TXNDC5: variants seen among roughly 807,000 people sequenced by gnomAD.
TXNDC5 encodes the protein thioredoxin domain containing 5.
A neutral mutation model predicts 52.6 loss-of-function variants in TXNDC5; 44 were observed. The observed-to-expected ratio is 0.84, with a 90% CI of 0.66 to 1.08. TXNDC5 has a LOEUF of 1.08. Among genes scored for constraint, TXNDC5 ranks in the 50% least tolerant of loss-of-function variants. The pLI, the probability that TXNDC5 is intolerant of heterozygous loss-of-function variation, is 0.00. For missense variants in TXNDC5, 600 were observed against 565.5 expected (o/e 1.06, Z -0.62); for synonymous variants, 241 against 234.4 (o/e 1.03, Z -0.26).
At chr6:7,903,948 G>A (rs1322644296) in intron 2 of TXNDC5, among the ~76,000 whole-genome samples, 1 of 152,216 alleles carries the variant, frequency 6.6e-6, no homozygotes, top group Non-Finnish European at 1.5e-5. Context: ...CAGAGATACA[G>A]GCCTGGAAAG....
intron 3 of TXNDC5, among the ~76,000 whole-genome samples, chr6:7,895,628 G>A (rs1366020294): frequency 6.6e-6 from 1 of 152,208 alleles, no homozygotes; most frequent in Non-Finnish European, 1.5e-5. Context: ...AGCACTTGCA[G>A]ACACCAGAGT....
chr6:7,902,637 C>A (rs571879788), intron 2 of TXNDC5, among the ~76,000 whole-genome samples: 1 of 152,054 alleles, frequency 6.6e-6, no homozygotes, highest in African/African-American at 2.4e-5. Flanking sequence ...CAGCACATTC[C>A]ACCTCCTGCA....
In TXNDC5 at chr6:7,882,062, A is replaced by ACAT. The variant is rs1228130067; in HGVS notation, c.*1079_*1081dup. The ACAT allele has an allele frequency of 9.8e-5, 15 of 152,716 alleles. No homozygotes were observed. The highest frequency in any genetic ancestry group is 1.9e-4 in the Non-Finnish European group (13 of 68,066). The allele number at this position is 152,716 out of a possible 1,614,324, so 9.5% of individuals were successfully genotyped here. On this transcript the variant is annotated 3_prime_UTR_variant, in exon 10 of 10. Transcript: ENST00000379757. ...ACACCAGGGCCAGAGCAGCCCACTGACATCTGTCTTTGGTCTTGAGATCAA... is the reference window on the plus strand; with the variant it reads ...ACACCAGGGCCAGAGCAGCCCACTGACATCATCTGTCTTTGGTCTTGAGATCAA...
At chr6:7,894,915 C>G in intron 4 of TXNDC5, 191 bp downstream of exon 4, 1 of 985,428 alleles carries the variant, frequency 1.0e-6, no homozygotes, top group Non-Finnish European at 1.2e-6. Flanking sequence ...TATAAGGGCA[C>G]AGACAAAAGG....
At chr6:7,905,085 G>A (rs1760690083) in intron 1 of TXNDC5, among the ~76,000 whole-genome samples, 1 of 152,182 alleles carries the variant, frequency 6.6e-6, no homozygotes, top group African/African-American at 2.4e-5. Context: ...TGTTCCCAAA[G>A]GACTATAGCT....
chr6:7,895,625 G>T (rs1305913359), intron 3 of TXNDC5, among the ~76,000 whole-genome samples: 1 of 152,212 alleles, frequency 6.6e-6, no homozygotes, highest in Non-Finnish European at 1.5e-5. Context: ...GTCAGCACTT[G>T]CAGACACCAG....
At chr6:7,893,850 G>T (rs929420359) in intron 4 of TXNDC5, among the ~76,000 whole-genome samples, 2 of 152,162 alleles carry the variant, frequency 1.3e-5, no homozygotes, top group African/African-American at 4.8e-5. Context: ...GTCTTCTAAG[G>T]GGATTTCTCT....
At position 7,910,127 on chromosome 6, in the gene TXNDC5, G is replaced by T. The variant is rs963468132; in HGVS notation, c.263+387C>A. ...TTTCCCGGCTGTCCCCTAGGGGTCCGCCCCCTCCTCCCGCACCGCCCCGGC... is the reference window on the plus strand; with the variant it reads ...TTTCCCGGCTGTCCCCTAGGGGTCCTCCCCCTCCTCCCGCACCGCCCCGGC... On this transcript the variant is annotated intron_variant, in intron 1 of 9. Coordinates refer to ENST00000379757, the MANE Select transcript of TXNDC5 (RefSeq NM_030810.5). 7.1e-6 allele frequency: 7 copies of T among 986,600 alleles called. No individual in the cohort carries two copies. The African/African-American group carries it at 1.0e-4, about 15-fold the overall frequency. 61.1% of individuals were successfully genotyped at this position (986,600 alleles called of 1,614,324 possible).
Position 7,882,193 on chromosome 6 carries a change from C to T in TXNDC5, c.*951G>A, listed in dbSNP as rs1180773657. ...AGAAACAGAATCAGAAACTCTAGAACTCTAGTTAGGGCCCTTCAGCAGGGC... is the reference window on the plus strand; with the variant it reads ...AGAAACAGAATCAGAAACTCTAGAATTCTAGTTAGGGCCCTTCAGCAGGGC... On this transcript the variant is annotated 3_prime_UTR_variant, in exon 10 of 10. Coordinates refer to ENST00000379757, the MANE Select transcript of TXNDC5 (RefSeq NM_030810.5). The T allele has an allele frequency of 2.0e-5, 3 of 152,678 alleles. No individual in the cohort carries two copies. In the South Asian group the frequency reaches 6.2e-4, roughly 32 times the overall value. 9.5% of individuals were successfully genotyped at this position (152,678 alleles called of 1,614,324 possible).
chr6:7,885,418 G>C (rs1759930871), intron 8 of TXNDC5, among the ~76,000 whole-genome samples: 1 of 152,166 alleles, frequency 6.6e-6, no homozygotes, highest in African/African-American at 2.4e-5. Context: ...AAGGTTGTCT[G>C]GATCTCACAC....
rs1207183622 is a variant in TXNDC5, at chr6:7,910,762, T to C, written c.15A>G (p.Pro5=). ...GGGCCAGCAGCGGGAGGAGGCGTCC[T>C]GGGCGCGCGGGCATCGCGGCGGGGC... MPAR[P]GRLLPLLARP... Residue 5 remains proline, a synonymous_variant, in exon 1 of 10, where the codon CCA becomes CCG. Transcript: ENST00000379757. The C allele has an allele frequency of 1.0e-4, 100 of 997,576 alleles. No individual in the cohort carries two copies. The highest frequency in any genetic ancestry group is 4.5e-4 in the South Asian group (10 of 22,364). The allele number at this position is 997,576 out of a possible 1,614,324, so 61.8% of individuals were successfully genotyped here. A position where few individuals can be genotyped will look rare whatever the true frequency, so the allele number is the denominator to read the frequency against.
At chr6:7,887,451 ATCC>A (rs1760024499) in intron 7 of TXNDC5, among the ~76,000 whole-genome samples, 2 of 151,898 alleles carry the variant, frequency 1.3e-5, no homozygotes, top group Admixed American at 6.6e-5. Context: ...GCTGGGTACC[ATCC>A]TCCACCAGAT....
chr6:7,903,639 A>G (rs1033519177), intron 2 of TXNDC5, among the ~76,000 whole-genome samples: 1 of 152,174 alleles, frequency 6.6e-6, no homozygotes, highest in African/African-American at 2.4e-5. Context: ...ATAAGCTCCA[A>G]TTTTTTGCTT....
intron 8 of TXNDC5, 98 bp from the exon 9 acceptor site, chr6:7,884,586 C>T: frequency 6.5e-7 from 1 of 1,537,156 alleles, no homozygotes; most frequent in South Asian, 1.2e-5. Flanking sequence ...CTGTATGGGA[C>T]AGTCAACAAT....
chr6:7,884,265 T>G, intron 9 of TXNDC5, 94 bp downstream of exon 9: 460 of 1,523,390 alleles, frequency 3.0e-4, no homozygotes, highest in Non-Finnish European at 3.8e-4. Flanking sequence ...GTTGAGAAGA[T>G]GAGAGCAGAG....
At chr6:7,884,051 A>G (rs1324674249) in intron 9 of TXNDC5, among the ~76,000 whole-genome samples, 1 of 152,234 alleles carries the variant, frequency 6.6e-6, no homozygotes, top group African/African-American at 2.4e-5. Flanking sequence ...TCAATCATCA[A>G]GAGTCGCGGT....
chr6:7,886,767 G>A (rs961777755), intron 7 of TXNDC5, among the ~76,000 whole-genome samples: 3 of 152,190 alleles, frequency 2.0e-5, no homozygotes, highest in African/African-American at 7.2e-5. Context: ...TCTCTCCTGA[G>A]AGCAGGAATG....
Position 7,899,581 on chromosome 6 carries a change from G to C in TXNDC5, c.514C>G (p.Pro172Ala). ...NWMLQTLNEEPVTPEPEVEPP... is the reference protein window; with the variant it reads ...NWMLQTLNEEAVTPEPEVEPP... ...GGAAGGAGGTAGACACTCACCACTG[G>C]CTCCTCGTTCAGTGTCTGCAGCATC... Residue 172 changes from proline (P) to alanine (A), a missense_variant, in exon 3 of 10, where the codon CCA (proline) becomes GCA (alanine). Transcript: ENST00000379757. The C allele has an allele frequency of 6.2e-7, 1 of 1,612,456 alleles. No individual in the cohort carries two copies. Among genetic ancestry groups the C allele is most frequent in the Non-Finnish European group, 8.5e-7 (1 of 1,179,272 alleles).
intron 8 of TXNDC5, 77 bp from the exon 9 acceptor site, chr6:7,884,565 CTCTGTTTCTTCT>C (rs1561804906): frequency 3.8e-6 from 6 of 1,598,408 alleles, no homozygotes; most frequent in Admixed American, 3.4e-5. Flanking sequence ...CCAAGACAAG[CTCTGTTTCTTCT>C]GTATGGGACA....
Sources: allele counts gnomAD v4.1 joint callset (sites outside exome capture counted in the v4.1 genomes callset), GRCh38; gene constraint gnomAD v4.1.1; transcripts MANE v1.5; gene names NCBI Gene and HGNC (gene_info 2026-07-23, HGNC 2026-07-21).